LPCAT2: variants seen among roughly 807,000 people sequenced by gnomAD.
LPCAT2 encodes 1-AGP acyltransferase 11.
Under a neutral mutation model 64.7 loss-of-function variants are expected in LPCAT2, and 58 were observed. The ratio of observed to expected loss-of-function variants is 0.90; its 90% CI spans 0.73 to 1.12. The LOEUF (loss-of-function observed/expected upper bound fraction) is 1.12. LPCAT2 is among the 50% of genes most tolerant of loss of function. The probability of loss-of-function intolerance (pLI) is 0.00; values close to 1 mark genes in which losing one functional copy is unlikely to be tolerated. For synonymous variants in LPCAT2, 252 were observed against 245.3 expected (o/e 1.03, Z -0.26); for missense variants, 579 against 669.8 (o/e 0.86, Z 1.50).
At chr16:55,511,857 G>C (rs535167446) in intron 1 of LPCAT2, among the ~76,000 whole-genome samples, 1 of 151,872 alleles carries the variant, frequency 6.6e-6, no homozygotes, top group African/African-American at 2.4e-5. Context: ...CTTTCTTCAG[G>C]GTCTATGCTA....
intron 11 of LPCAT2, among the ~76,000 whole-genome samples, chr16:55,561,075 G>A (rs567596950): frequency 6.6e-6 from 1 of 151,820 alleles, no homozygotes; most frequent in Non-Finnish European, 1.5e-5. Flanking sequence ...ATCCTATAAT[G>A]TATGTCTTTT....
intron 11 of LPCAT2, among the ~76,000 whole-genome samples, chr16:55,565,686 C>T (rs1963687190): frequency 1.3e-5 from 2 of 151,772 alleles, no homozygotes; most frequent in South Asian, 4.1e-4. Flanking sequence ...GAGATGGTTA[C>T]CAGGGGTGGG....
In LPCAT2 at chr16:55,528,448, TAAAAGGAAAGA is replaced by T; in HGVS notation, c.384_394del (p.Lys129CysfsTer19). Reference sequence around the variant, plus strand: ...TTTTCAATGGGATTTATAGTTGCTGTAAAAGGAAAGATTGCAAGTCCTTTGGAAGCACCAGT... The same window carrying T: ...TTTTCAATGGGATTTATAGTTGCTGTTTGCAAGTCCTTTGGAAGCACCAGT... On this transcript the variant is annotated frameshift_variant, in exon 3 of 14. Transcript: ENST00000262134. LOFTEE classifies it high-confidence loss of function. 7.4e-6 allele frequency: 12 copies of T among 1,614,064 alleles called. No homozygotes were observed. Among genetic ancestry groups the T allele is most frequent in the Non-Finnish European group, 1.0e-5 (12 of 1,179,966 alleles).
intron 11 of LPCAT2, among the ~76,000 whole-genome samples, chr16:55,562,376 A>T (rs922401999): frequency 5.9e-5 from 9 of 151,892 alleles, no homozygotes; most frequent in African/African-American, 2.2e-4. Flanking sequence ...CCTCAGTAGA[A>T]TTCATTGATC....
At chr16:55,525,774 T>C in intron 2 of LPCAT2, 127 bp downstream of exon 2, 1 of 518,008 alleles carries the variant, frequency 1.9e-6, no homozygotes, top group Non-Finnish European at 3.0e-6. Context: ...CTATTTTATC[T>C]GCCTACTCAA....
rs1451890276 is a variant in LPCAT2, at chr16:55,510,909, A to G, written c.171+1557A>G. On this transcript the variant is annotated intron_variant, in intron 1 of 13. Transcript: ENST00000262134. ...CAGCATGGAATGTTGACAAATATTT[A>G]TATTGCACCTATAATAAATTATTAA... Among the ~76,000 whole-genome samples, 4 of 152,190 alleles carry G rather than the reference A, an allele frequency of 2.6e-5. No homozygotes were observed. In the South Asian group the frequency reaches 6.2e-4, roughly 24 times the overall value.
intron 12 of LPCAT2, among the ~76,000 whole-genome samples, chr16:55,575,760 G>A (rs867648692): frequency 1.3e-5 from 2 of 152,140 alleles, no homozygotes; most frequent in East Asian, 1.9e-4. Context: ...CACTATCATT[G>A]ACAGAAGAGC....
intron 8 of LPCAT2, chr16:55,538,940 C>T (rs1048235236): frequency 2.0e-5 from 3 of 152,060 alleles, no homozygotes; most frequent in African/African-American, 7.2e-5. Flanking sequence ...ATACTCTGAG[C>T]ACTGCTCTTG....
At chr16:55,578,080 C>T (rs946610805) in intron 12 of LPCAT2, among the ~76,000 whole-genome samples, 5 of 152,154 alleles carry the variant, frequency 3.3e-5, no homozygotes, top group African/African-American at 7.2e-5. Context: ...TTCTAAGATA[C>T]ATGCTCTGAT....
In LPCAT2 at chr16:55,584,206, A is replaced by G. The variant is rs561810120; in HGVS notation, c.*1108A>G. ...AATGTAGCACTTGCCCTATAAATGA[A>G]TCAGATTTGTTCTATTTATATAATA... On this transcript the variant is annotated 3_prime_UTR_variant, in exon 14 of 14. Coordinates refer to ENST00000262134, the MANE Select transcript of LPCAT2 (RefSeq NM_017839.5). 12 of 152,306 alleles carry G rather than the reference A, an allele frequency of 7.9e-5. No individual in the cohort carries two copies. The South Asian group carries it at 1.9e-3, about 24-fold the overall frequency. 9.4% of individuals were successfully genotyped at this position (152,306 alleles called of 1,614,324 possible).
At chr16:55,510,047 A>G (rs1463998680) in intron 1 of LPCAT2, among the ~76,000 whole-genome samples, 6 of 132,944 alleles carry the variant, frequency 4.5e-5, no homozygotes, top group African/African-American at 1.7e-4. Context: ...GATGGATAAG[A>G]GTGAGGCAGA....
Position 55,568,965 on chromosome 16 carries a change from A to G in LPCAT2, c.1216-5666A>G, listed in dbSNP as rs191700352. ...CAAGTGCTTGGTTCCTCTGTCTGCT[A>G]TTTAATTGGTCTCTACCCATTCTGC... is the stretch of plus-strand genomic sequence containing the variant. On this transcript the variant is annotated intron_variant, in intron 11 of 13. Coordinates refer to ENST00000262134, the MANE Select transcript of LPCAT2 (RefSeq NM_017839.5). Among the ~76,000 whole-genome samples the G allele has an allele frequency of 5.3e-5, 8 of 152,322 alleles. No individual in the cohort carries two copies. In the East Asian group the frequency reaches 1.2e-3, roughly 22 times the overall value.
intron 1 of LPCAT2, among the ~76,000 whole-genome samples, chr16:55,514,892 G>T (rs1290001225): frequency 1.3e-4 from 13 of 102,622 alleles, no homozygotes; most frequent in African/African-American, 5.6e-4. Context: ...GCAATGCATT[G>T]TGTGTGTGTG....
At chr16:55,518,180 C>T (rs550983834) in intron 1 of LPCAT2, among the ~76,000 whole-genome samples, 12 of 152,126 alleles carry the variant, frequency 7.9e-5, no homozygotes, top group African/African-American at 2.2e-4. Context: ...AAAAACAGTT[C>T]GATTTAATTT....
chr16:55,516,422 T>A (rs2142389251), intron 1 of LPCAT2, among the ~76,000 whole-genome samples: 2 of 152,256 alleles, frequency 1.3e-5, no homozygotes, highest in Middle Eastern at 6.8e-3. Flanking sequence ...ATACTTTTGA[T>A]TCAAATACAC....
chr16:55,561,875 G>A (rs1963640174), intron 11 of LPCAT2, among the ~76,000 whole-genome samples: 1 of 151,942 alleles, frequency 6.6e-6, no homozygotes, highest in African/African-American at 2.4e-5. Flanking sequence ...AATAAAATCA[G>A]TTGTTGGAAA....
chr16:55,570,066 AAT>A (rs1320781123), intron 11 of LPCAT2, among the ~76,000 whole-genome samples: 1 of 152,208 alleles, frequency 6.6e-6, no homozygotes, highest in Non-Finnish European at 1.5e-5. Flanking sequence ...CAGTGATAAA[AAT>A]ATGTGAAATT....
intron 2 of LPCAT2, chr16:55,525,853 A>G: frequency 3.1e-6 from 1 of 324,594 alleles, no homozygotes. Context: ...CATATGAAAT[A>G]CGTAGAAATT....
intron 10 of LPCAT2, 149 bp downstream of exon 10, chr16:55,549,551 T>A: frequency 2.7e-6 from 2 of 744,868 alleles, no homozygotes; most frequent in Non-Finnish European, 4.0e-6. Context: ...TTATCTCACA[T>A]TTTATTCATC....
Sources: allele counts gnomAD v4.1 joint callset (sites outside exome capture counted in the v4.1 genomes callset), GRCh38; gene constraint gnomAD v4.1.1; transcripts MANE v1.5; gene names NCBI Gene and HGNC (gene_info 2026-07-23, HGNC 2026-07-21).